The following SLIT1 variants were observed in gnomAD, a reference collection of about 807,000 sequenced individuals.
SLIT1 encodes the protein slit guidance ligand 1.
Under a neutral mutation model 186.1 loss-of-function variants are expected in SLIT1, and 66 were observed. The observed-to-expected ratio is 0.35, with a 90% CI of 0.29 to 0.44. The LOEUF (loss-of-function observed/expected upper bound fraction) is 0.44. Among genes scored for constraint, SLIT1 ranks in the 20% least tolerant of loss-of-function variants. The pLI, the probability that SLIT1 is intolerant of heterozygous loss-of-function variation, is 1.00. For missense variants in SLIT1, 1,638 were observed against 2,037.4 expected (o/e 0.80, Z 3.77); for synonymous variants, 761 against 833.8 (o/e 0.91, Z 1.50).
intron 7 of SLIT1, 53 bp from the exon 8 acceptor site, chr10:97,063,671 G>A (rs575300760): frequency 1.3e-6 from 2 of 1,515,398 alleles, no homozygotes; most frequent in African/African-American, 1.4e-5. Flanking sequence ...AGCCCAGCCT[G>A]ATTGTGGGAA....
Position 97,164,836 on chromosome 10 carries a change from G to T in SLIT1, c.252C>A (p.Leu84=), listed in dbSNP as rs149092674. 2,731 of 1,613,462 alleles carry T rather than the reference G, an allele frequency of 1.7e-3. 6 individuals are homozygous for T. Among genetic ancestry groups the T allele is most frequent in the South Asian group, 2.4e-3 (216 of 91,052 alleles). The part of the protein sequence containing the change: ...TRIHKNDFAG[L]KQLRVLQLME... ...ATACTCACAGCACCCGCAGCTGCTTGAGCCCCGCAAAGTCATTCTTATGGA... is the reference window on the plus strand; with the variant it reads ...ATACTCACAGCACCCGCAGCTGCTTTAGCCCCGCAAAGTCATTCTTATGGA... Residue 84 remains leucine (L), a synonymous_variant, in exon 2 of 37, where the codon CTC becomes CTA. Transcript: ENST00000266058.
chr10:97,165,022 G>A, intron 1 of SLIT1, 132 bp from the exon 2 acceptor site: 1 of 691,746 alleles, frequency 1.4e-6, no homozygotes. Flanking sequence ...GCTTCTGTGA[G>A]TTGAGTCTGT....
intron 4 of SLIT1, 93 bp from the exon 5 acceptor site, chr10:97,066,179 G>A: frequency 9.9e-7 from 1 of 1,011,582 alleles, no homozygotes. Context: ...GGGCAGGTGG[G>A]CTGGAGGGCA....
chr10:97,124,978 G>A (rs1392954156), intron 4 of SLIT1, among the ~76,000 whole-genome samples: 1 of 152,170 alleles, frequency 6.6e-6, no homozygotes, highest in Non-Finnish European at 1.5e-5. Flanking sequence ...ATTAAAATGG[G>A]ATGCTTAACC....
intron 30 of SLIT1, 58 bp downstream of exon 30, chr10:97,013,683 T>A (rs922509901): frequency 1.7e-5 from 22 of 1,286,434 alleles, no homozygotes; most frequent in East Asian, 1.3e-4. Context: ...CAGACTGGAA[T>A]CCAGTCTGAC....
intron 1 of SLIT1, 59 bp downstream of exon 1, chr10:97,185,419 G>A: frequency 5.8e-6 from 9 of 1,542,900 alleles, no homozygotes; most frequent in Non-Finnish European, 7.9e-6. Flanking sequence ...GTCCGGAATT[G>A]CGTCTGGGTG....
intron 11 of SLIT1, among the ~76,000 whole-genome samples, chr10:97,058,791 C>T (rs1231666089): frequency 2.0e-5 from 3 of 152,230 alleles, no homozygotes; most frequent in African/African-American, 7.2e-5. Context: ...CTACAGGGAG[C>T]TCGCCCAACT....
At chr10:97,052,684 C>T (rs1195524199) in intron 13 of SLIT1, among the ~76,000 whole-genome samples, 1 of 152,000 alleles carries the variant, frequency 6.6e-6, no homozygotes, top group Non-Finnish European at 1.5e-5. Context: ...GCAAGTAAAA[C>T]TGCAGCAAAA....
At chr10:97,167,733 G>A (rs1850138765) in intron 1 of SLIT1, among the ~76,000 whole-genome samples, 1 of 152,220 alleles carries the variant, frequency 6.6e-6, no homozygotes, top group Non-Finnish European at 1.5e-5. Context: ...TCATGGGAGG[G>A]AGCCGGTGGG....
rs762860628 is a variant in SLIT1, at chr10:97,043,400, G to T, written c.1967C>A (p.Ala656Asp). The change falls in exon 19 of 37, where the codon GCC becomes GAC. Residue 656 changes from alanine to aspartate, a missense_variant. Transcript: ENST00000266058. This position sits in a 1 kb window ranked among gnomAD's most constrained non-coding sequence, Gnocchi z 7.0. Reference protein sequence around the residue: ...DNQITTVSPGAFDTLQSLSTL... With the variant: ...DNQITTVSPGDFDTLQSLSTL... The stretch of plus-strand genomic sequence containing the variant: ...GGAGAGGGACTGGAGGGTGTCGAAG[G>T]CTCCTGGGGATACGGTGGTGATCTG... The T allele has an allele frequency of 6.2e-7, 1 of 1,613,900 alleles. No individual in the cohort carries two copies. Among genetic ancestry groups the T allele is most frequent in the Non-Finnish European group, 8.5e-7 (1 of 1,180,016 alleles).
In SLIT1 at chr10:97,163,441, C is replaced by T; in HGVS notation, c.280G>A (p.Glu94Lys). The T allele has an allele frequency of 6.2e-7, 1 of 1,614,160 alleles. No homozygotes were observed. Among genetic ancestry groups the T allele is most frequent in the Non-Finnish European group, 8.5e-7 (1 of 1,179,956 alleles). ...LKQLRVLQLM[E>K]NQIGAVERGA... ...CGTTCCACTGCTCCAATCTGGTTCT[C>T]CATCAGCTGCCTGGGGAAGCAAAGA... The change falls in exon 3 of 37, where the codon GAG becomes AAG. Residue 94 changes from glutamate (E) to lysine (K), a missense_variant. Transcript: ENST00000266058.
At chr10:97,096,066 C>T (rs1554850629) in intron 4 of SLIT1, among the ~76,000 whole-genome samples, 1 of 152,132 alleles carries the variant, frequency 6.6e-6, no homozygotes, top group Non-Finnish European at 1.5e-5. Flanking sequence ...ATCTCTCACC[C>T]TGAGTGAGGC....
At chr10:97,151,204 C>T (rs1263089483) in intron 4 of SLIT1, among the ~76,000 whole-genome samples, 1 of 152,178 alleles carries the variant, frequency 6.6e-6, no homozygotes, top group Non-Finnish European at 1.5e-5. Flanking sequence ...GCCTGGCCCA[C>T]AGGAGGCCCT....
intron 4 of SLIT1, among the ~76,000 whole-genome samples, chr10:97,123,309 T>C (rs1344936909): frequency 6.6e-6 from 1 of 152,192 alleles, no homozygotes; most frequent in Non-Finnish European, 1.5e-5. Context: ...TGCAAAACAA[T>C]AGATTCCTTC....
intron 25 of SLIT1, among the ~76,000 whole-genome samples, chr10:97,029,221 A>G (rs1848570823): frequency 1.3e-5 from 2 of 152,250 alleles, no homozygotes; most frequent in Non-Finnish European, 2.9e-5. Flanking sequence ...CTGATTTAAC[A>G]TGCTTTCTGA....
Position 97,046,785 on chromosome 10 carries a change from G to T in SLIT1, c.1722C>A (p.Asn574Lys). 1 of 1,612,306 alleles carries T rather than the reference G, an allele frequency of 6.2e-7. No individual in the cohort carries two copies. The stretch of plus-strand genomic sequence containing the variant: ...CATCTTCAATTTCTGACACCTTGTT[G>T]TTGCTCAGATTGCTGGGAGAAGAGG... The part of the protein sequence containing the change: ...LTHLKKINLS[N>K]NKVSEIEDGA... Residue 574 changes from asparagine (N) to lysine (K), a missense_variant, in exon 18 of 37, where the codon AAC (asparagine) becomes AAA (lysine). Transcript: ENST00000266058.
At chr10:97,176,783 T>C (rs780174627) in intron 1 of SLIT1, among the ~76,000 whole-genome samples, 7 of 152,150 alleles carry the variant, frequency 4.6e-5, no homozygotes, top group African/African-American at 2.4e-5. Context: ...TTGCAATGAT[T>C]CCTCGGCCCA....
At position 97,004,856 on chromosome 10, in the gene SLIT1, A is replaced by G. The variant is rs758633889; in HGVS notation, c.3580-33T>C. On this transcript the variant is annotated intron_variant, in intron 32 of 36. Coordinates refer to ENST00000266058, the MANE Select transcript of SLIT1 (RefSeq NM_003061.3). The surrounding 1 kb of genome is among the most constrained non-coding windows in gnomAD (Gnocchi z 5.1). ...GCAGTGGCACTTTCTCTCCCACCCC[A>G]CCCCATGCAGCAGCGGCACAGGCTA... The G allele has an allele frequency of 3.1e-5, 50 of 1,613,310 alleles. No homozygotes were observed. The East Asian group carries it at 1.0e-3, about 34-fold the overall frequency.
At chr10:97,057,679 A>G in intron 11 of SLIT1, 1 of 379,130 alleles carries the variant, frequency 2.6e-6, no homozygotes, top group Non-Finnish European at 4.8e-6. Context: ...ATATTTTCAG[A>G]GAGTTACAGG....
Sources: allele counts gnomAD v4.1 joint callset (sites outside exome capture counted in the v4.1 genomes callset), GRCh38; gene constraint gnomAD v4.1.1; non-coding constraint Gnocchi (gnomAD v3.1); transcripts MANE v1.5; gene names NCBI Gene and HGNC (gene_info 2026-07-23, HGNC 2026-07-21).